The following RSRC1 variants were observed in gnomAD, a reference collection of about 807,000 sequenced individuals.
The protein encoded by RSRC1 is serine/Arginine-related protein 53.
A neutral mutation model predicts 49.1 loss-of-function variants in RSRC1; 39 were observed. That is an observed-to-expected ratio of 0.79 (90% CI 0.61 to 1.04). The LOEUF (loss-of-function observed/expected upper bound fraction) is 1.04. Among genes scored for constraint, RSRC1 ranks in the 50% least tolerant of loss-of-function variants. RSRC1 has a pLI of 0.00. For synonymous variants in RSRC1, 143 were observed against 130.8 expected (o/e 1.09, Z -0.63); for missense variants, 388 against 402.4 (o/e 0.96, Z 0.31).
intron 4 of RSRC1, among the ~76,000 whole-genome samples, chr3:158,263,278 A>C (rs1724996963): frequency 1.3e-5 from 2 of 152,120 alleles, no homozygotes; most frequent in African/African-American, 4.8e-5. Flanking sequence ...GACTACTGAA[A>C]CGATTATACT....
At chr3:158,420,717 A>G (rs1429400187) in intron 6 of RSRC1, among the ~76,000 whole-genome samples, 1 of 151,930 alleles carries the variant, frequency 6.6e-6, no homozygotes, top group Admixed American at 6.6e-5. Context: ...ATATCTCTAA[A>G]TTATCTATTA....
At chr3:158,323,524 A>G (rs1459240510) in intron 5 of RSRC1, among the ~76,000 whole-genome samples, 1 of 152,162 alleles carries the variant, frequency 6.6e-6, no homozygotes, top group Non-Finnish European at 1.5e-5. Flanking sequence ...TTAATCTGCT[A>G]TGGCTCTCTC....
At chr3:158,224,527 C>T (rs1220497006) in intron 4 of RSRC1, among the ~76,000 whole-genome samples, 1 of 151,736 alleles carries the variant, frequency 6.6e-6, no homozygotes, top group Non-Finnish European at 1.5e-5. Context: ...TTTGAAATCA[C>T]AGAATTTCTT....
chr3:158,431,229 T>C (rs1455745949), intron 6 of RSRC1, among the ~76,000 whole-genome samples: 3 of 150,498 alleles, frequency 2.0e-5, no homozygotes, highest in East Asian at 2.0e-4. Flanking sequence ...ATCAGCTTGG[T>C]ATTCTGAGTA....
intron 5 of RSRC1, among the ~76,000 whole-genome samples, chr3:158,341,793 A>G (rs1034915961): frequency 6.6e-5 from 10 of 152,130 alleles, no homozygotes; most frequent in Non-Finnish European, 1.2e-4. Flanking sequence ...CAGACACTCA[A>G]TGCTAGCCCA....
intron 3 of RSRC1, among the ~76,000 whole-genome samples, chr3:158,172,073 T>C (rs1294929376): frequency 6.6e-6 from 1 of 152,080 alleles, no homozygotes; most frequent in Admixed American, 6.6e-5. Flanking sequence ...TGTGAGACAA[T>C]AATAAAATAT....
At chr3:158,194,583 G>A (rs926070188) in intron 3 of RSRC1, among the ~76,000 whole-genome samples, 8 of 150,024 alleles carry the variant, frequency 5.3e-5, no homozygotes, top group South Asian at 2.1e-4. Flanking sequence ...TGCCATGTTG[G>A]TGTGCTGCAC....
At chr3:158,259,646 G>A (rs990482888) in intron 4 of RSRC1, among the ~76,000 whole-genome samples, 7 of 152,306 alleles carry the variant, frequency 4.6e-5, no homozygotes, top group Non-Finnish European at 7.4e-5. Flanking sequence ...AGCCTGGCTT[G>A]TGTCCTTCTT....
At chr3:158,513,556 A>G (rs1315964961) in intron 7 of RSRC1, among the ~76,000 whole-genome samples, 1 of 152,150 alleles carries the variant, frequency 6.6e-6, no homozygotes, top group Non-Finnish European at 1.5e-5. Context: ...ATGTTCATCA[A>G]GGATATTGGC....
At chr3:158,367,540 G>A (rs1337000503) in intron 6 of RSRC1, among the ~76,000 whole-genome samples, 1 of 152,124 alleles carries the variant, frequency 6.6e-6, no homozygotes, top group Non-Finnish European at 1.5e-5. Flanking sequence ...CAGTTTGCCA[G>A]TATTTTATTG....
intron 1 of RSRC1, among the ~76,000 whole-genome samples, chr3:158,119,604 ATATAAG>A (rs960542423): frequency 2.0e-5 from 3 of 151,876 alleles, no homozygotes; most frequent in African/African-American, 7.2e-5. Context: ...CTTAACATGG[ATATAAG>A]TATATGTGTG....
At chr3:158,314,411 T>TG (rs978125690) in intron 5 of RSRC1, among the ~76,000 whole-genome samples, 9 of 151,946 alleles carry the variant, frequency 5.9e-5, no homozygotes, top group African/African-American at 2.2e-4. Flanking sequence ...ATTCTTTTTT[T>TG]TTTTTTTACT....
chr3:158,364,495 G>A (rs898220877), intron 6 of RSRC1, among the ~76,000 whole-genome samples: 2 of 152,094 alleles, frequency 1.3e-5, no homozygotes, highest in Non-Finnish European at 2.9e-5. Flanking sequence ...CTAACAAACT[G>A]TGAGCTTGAG....
At chr3:158,317,952 G>T (rs1318842929) in intron 5 of RSRC1, among the ~76,000 whole-genome samples, 1 of 152,150 alleles carries the variant, frequency 6.6e-6, no homozygotes, top group Admixed American at 6.5e-5. Context: ...CCCACATGCA[G>T]CCCAGAACAG....
chr3:158,197,124 C>G (rs555925986), intron 3 of RSRC1, among the ~76,000 whole-genome samples: 2 of 152,310 alleles, frequency 1.3e-5, no homozygotes, highest in Admixed American at 6.5e-5. Context: ...GTGAATCCAT[C>G]TGGTCCTGGA....
intron 3 of RSRC1, among the ~76,000 whole-genome samples, chr3:158,188,279 C>G (rs936878308): frequency 2.6e-5 from 4 of 151,902 alleles, no homozygotes; most frequent in South Asian, 2.1e-4. Context: ...TAGATTAGAA[C>G]CTCTATTTTT....
At chr3:158,159,846 C>T (rs1718109155) in intron 3 of RSRC1, among the ~76,000 whole-genome samples, 1 of 152,016 alleles carries the variant, frequency 6.6e-6, no homozygotes, top group Admixed American at 6.6e-5. Context: ...ATTTTTCAGT[C>T]ATGATTTTGT....
chr3:158,436,732 GGT>G (rs1736062256), intron 6 of RSRC1, among the ~76,000 whole-genome samples: 2 of 151,456 alleles, frequency 1.3e-5, no homozygotes, highest in South Asian at 4.2e-4. Context: ...TATCTATAAA[GGT>G]ATATAGATAA....
intron 3 of RSRC1, among the ~76,000 whole-genome samples, chr3:158,137,085 G>T (rs1334967715): frequency 1.3e-5 from 2 of 152,078 alleles, no homozygotes; most frequent in African/African-American, 2.4e-5. Flanking sequence ...TTTTATTCAG[G>T]TCACTATTTA....
Sources: gnomAD v4.1 joint callset for allele counts (sites outside exome capture counted in the v4.1 genomes callset) on GRCh38, gnomAD v4.1.1 for gene constraint, MANE v1.5 for transcripts, NCBI Gene and HGNC (gene_info 2026-07-23, HGNC 2026-07-21) for gene names.